ABLIM2: variants seen among roughly 807,000 people sequenced by gnomAD.
The protein encoded by ABLIM2 is actin-binding LIM protein 2.
ABLIM2 carries 53 observed loss-of-function variants against 97.7 expected under a neutral mutation model. That is an observed-to-expected ratio of 0.54 (90% CI 0.44 to 0.68). The LOEUF (loss-of-function observed/expected upper bound fraction) is 0.68. Among genes scored for constraint, ABLIM2 ranks in the 30% least tolerant of loss-of-function variants. The probability of loss-of-function intolerance (pLI) is 0.00; values close to 1 mark genes in which losing one functional copy is unlikely to be tolerated. For missense variants in ABLIM2, 835 were observed against 867.2 expected (o/e 0.96, Z 0.47); for synonymous variants, 361 against 345.8 (o/e 1.04, Z -0.49).
chr4:8,143,994 A>C (rs1851410870), intron 1 of ABLIM2, among the ~76,000 whole-genome samples: 1 of 152,144 alleles, frequency 6.6e-6, no homozygotes, highest in Admixed American at 6.5e-5. Flanking sequence ...AGGTCCTGGG[A>C]GAAACCACCA....
chr4:8,048,444 G>C (rs1047989173), intron 8 of ABLIM2, among the ~76,000 whole-genome samples: 1 of 152,104 alleles, frequency 6.6e-6, no homozygotes, highest in African/African-American at 2.4e-5. Context: ...CTGCCATTAC[G>C]GTCACATGGT....
intron 9 of ABLIM2, among the ~76,000 whole-genome samples, chr4:8,036,880 G>A (rs1784808620): frequency 6.6e-6 from 1 of 151,368 alleles, no homozygotes; most frequent in South Asian, 2.1e-4. Context: ...ACACATATAG[G>A]CAAACACACA....
rs560637180 is a variant in ABLIM2, at chr4:8,071,523, C to T, written c.675+6105G>A. Among the ~76,000 whole-genome samples the T allele has an allele frequency of 6.6e-6, 1 of 152,302 alleles. No individual in the cohort carries two copies. The highest frequency in any genetic ancestry group is 2.1e-4 in the South Asian group (1 of 4,828). On this transcript the variant is annotated intron_variant, in intron 6 of 20. Transcript: ENST00000447017. The surrounding 1 kb of genome is among the most constrained non-coding windows in gnomAD (Gnocchi z 6.2). The stretch of plus-strand genomic sequence containing the variant: ...TTAGGATGGCACCATGCCCACCACA[C>T]GCAGACACAGCACAGGCGAGGGCTC...
chr4:8,003,371 A>C lies in ABLIM2; in HGVS notation c.1618+4688T>G, dbSNP rs1445416534. 6.6e-6 allele frequency among the ~76,000 whole-genome samples: 1 copy of C among 152,124 alleles called. No individual in the cohort carries two copies. The highest frequency in any genetic ancestry group is 1.5e-5 in the Non-Finnish European group (1 of 68,026). On this transcript the variant is annotated intron_variant, in intron 16 of 20. Transcript: ENST00000447017. The surrounding 1 kb of genome is among the most constrained non-coding windows in gnomAD (Gnocchi z 4.2). ...TTCGCTGAATGCTGTACTGAGAGTG[A>C]GAAACAGAATGGGTGTGTGGATACT...
At chr4:8,013,839 A>G (rs1316670991) in intron 14 of ABLIM2, among the ~76,000 whole-genome samples, 1 of 152,208 alleles carries the variant, frequency 6.6e-6, no homozygotes, top group Non-Finnish European at 1.5e-5. Context: ...CCCTTCAGTA[A>G]CTGATGTGCC....
rs1199921167 is a variant in ABLIM2 at position 8,022,319 on chromosome 4, T to C, written c.1268-2016A>G. ...GGGCCGAGGATCTAACACATCACAG[T>C]GTACCTGTCCCTCCCCAGTTCCCAG... On this transcript the variant is annotated intron_variant, in intron 12 of 20. Transcript: ENST00000447017. This position sits in a 1 kb window ranked among gnomAD's most constrained non-coding sequence, Gnocchi z 7.8. Among the ~76,000 whole-genome samples, 2 of 152,170 alleles carry C rather than the reference T, an allele frequency of 1.3e-5. No homozygotes were observed. The highest frequency in any genetic ancestry group is 3.9e-4 in the East Asian group (2 of 5,184).
intron 7 of ABLIM2, among the ~76,000 whole-genome samples, chr4:8,059,527 C>G (rs1213669410): frequency 2.0e-5 from 3 of 152,106 alleles, no homozygotes; most frequent in Admixed American, 6.5e-5. Context: ...CCCCGGCCCC[C>G]CCACTTGACA....
chr4:8,077,573 G>A (rs1243907445), intron 6 of ABLIM2, 55 bp downstream of exon 6: 21 of 1,475,734 alleles, frequency 1.4e-5, no homozygotes, highest in Non-Finnish European at 1.9e-5. Flanking sequence ...CAACTCCCAG[G>A]GGGGCAGTTA....
rs1790922399 is a variant in ABLIM2, at chr4:8,044,593, A to T, written c.900+571T>A. Among the ~76,000 whole-genome samples, 1 of 151,722 alleles carries T rather than the reference A, an allele frequency of 6.6e-6. No homozygotes were observed. Among genetic ancestry groups the T allele is most frequent in the Non-Finnish European group, 1.5e-5 (1 of 67,978 alleles). On this transcript the variant is annotated intron_variant, in intron 9 of 20. Transcript: ENST00000447017. This position sits in a 1 kb window ranked among gnomAD's most constrained non-coding sequence, Gnocchi z 4.4. Reference sequence around the variant, plus strand: ...GGTAACAACTTGTTAAAATGTTTTCAATCATTTTTATATTTGTATGTGATT... The same window carrying T: ...GGTAACAACTTGTTAAAATGTTTTCTATCATTTTTATATTTGTATGTGATT...
intron 7 of ABLIM2, among the ~76,000 whole-genome samples, chr4:8,060,570 C>T (rs914403705): frequency 1.5e-4 from 23 of 152,112 alleles, no homozygotes; most frequent in East Asian, 3.9e-4. Context: ...GTGGCTGGGG[C>T]GGGAAACACC....
At chr4:8,010,308 G>T in intron 14 of ABLIM2, 2 of 937,588 alleles carry the variant, frequency 2.1e-6, no homozygotes, top group Non-Finnish European at 2.5e-6. Context: ...CCCACACCTT[G>T]TGTATCCCTT....
chr4:8,126,589 G>A (rs1245180873), intron 1 of ABLIM2, among the ~76,000 whole-genome samples: 1 of 152,094 alleles, frequency 6.6e-6, no homozygotes, highest in African/African-American at 2.4e-5. Flanking sequence ...TAAGGAGCTT[G>A]ATGGGCCCTG....
chr4:7,967,060 C>G lies in ABLIM2; in HGVS notation c.1868G>C (p.Ser623Thr). The change falls in exon 21 of 21, where the codon AGC (serine) becomes ACC (threonine). Residue 623 changes from serine to threonine, a missense_variant. Physicochemically the swap from Ser to Thr is moderately conservative, Grantham distance 58. Transcript: ENST00000447017. ...GGCCAGGCGGTCAAACTCCTCGATG[C>G]TCATCCCAAACACTTCCTGGAACTC... is the stretch of plus-strand genomic sequence containing the variant. The part of the protein sequence containing the change: ...PEEFQEVFGM[S>T]IEEFDRLALW... The G allele has an allele frequency of 6.2e-7, 1 of 1,613,908 alleles. No homozygotes were observed. Among genetic ancestry groups the G allele is most frequent in the Non-Finnish European group, 8.5e-7 (1 of 1,179,964 alleles).
chr4:8,071,628 G>T lies in ABLIM2; in HGVS notation c.675+6000C>A. ...AGGGGCACTGCCAAGCGCCTTAGGG[G>T]GCAAAACGGGGGTGGGGGAACAGGT... On this transcript the variant is annotated intron_variant, in intron 6 of 20. Transcript: ENST00000447017. This position sits in a 1 kb window ranked among gnomAD's most constrained non-coding sequence, Gnocchi z 6.2. 1.1e-6 allele frequency: 1 copy of T among 875,144 alleles called. No homozygotes were observed. 54.2% of individuals were successfully genotyped at this position (875,144 alleles called of 1,614,324 possible). A position where few individuals can be genotyped will look rare whatever the true frequency, so the allele number is the denominator to read the frequency against.
In ABLIM2 at chr4:8,054,989, A is replaced by T. The variant is rs146735897; in HGVS notation, c.764-743T>A. On this transcript the variant is annotated intron_variant, in intron 7 of 20. Coordinates refer to ENST00000447017, the MANE Select transcript of ABLIM2 (RefSeq NM_001130083.2). The surrounding 1 kb of genome is among the most constrained non-coding windows in gnomAD (Gnocchi z 4.9). ...CCACCCGGCACCAAGTGCCCCCAGCATCCCTGGCACTCTGGTCTCTACTAA... is the reference window on the plus strand; with the variant it reads ...CCACCCGGCACCAAGTGCCCCCAGCTTCCCTGGCACTCTGGTCTCTACTAA... 1.3e-5 allele frequency among the ~76,000 whole-genome samples: 2 copies of T among 151,608 alleles called. No individual in the cohort carries two copies. Among genetic ancestry groups the T allele is most frequent in the East Asian group, 3.9e-4 (2 of 5,154 alleles).
chr4:8,025,884 A>C (rs923213040), intron 12 of ABLIM2, among the ~76,000 whole-genome samples: 16 of 152,156 alleles, frequency 1.1e-4, no homozygotes, highest in African/African-American at 3.9e-4. Context: ...TGACTCACCC[A>C]AATGGTTGAT....
chr4:8,158,342 C>G (rs1183283929), intron 1 of ABLIM2, among the ~76,000 whole-genome samples: 1 of 152,200 alleles, frequency 6.6e-6, no homozygotes, highest in East Asian at 1.9e-4. Flanking sequence ...GGACCCCAGG[C>G]CCCCGCGCGG....
chr4:8,055,514 G>T (rs1435040459), intron 7 of ABLIM2, among the ~76,000 whole-genome samples: 1 of 152,250 alleles, frequency 6.6e-6, no homozygotes, highest in Non-Finnish European at 1.5e-5. Context: ...TCTGCTAGGT[G>T]CATGGCTGTG....
At position 7,995,953 on chromosome 4, in the gene ABLIM2, A is replaced by C. The variant is rs115172163; in HGVS notation, c.1619-3026T>G. On this transcript the variant is annotated intron_variant, in intron 16 of 20. Coordinates refer to ENST00000447017, the MANE Select transcript of ABLIM2 (RefSeq NM_001130083.2). Reference sequence around the variant, plus strand: ...TGCAGGAACCTGCCTGAGGTCACCCAGCCAGGTAGCGGCAGCCCCAGGATG... The same window carrying C: ...TGCAGGAACCTGCCTGAGGTCACCCCGCCAGGTAGCGGCAGCCCCAGGATG... Among the ~76,000 whole-genome samples the C allele has an allele frequency of 4.1e-3, 618 of 151,932 alleles. 4 individuals carry two copies. The highest frequency in any genetic ancestry group is 0.014 in the African/African-American group (589 of 41,388).
Sources: gnomAD v4.1 joint callset for allele counts (sites outside exome capture counted in the v4.1 genomes callset) on GRCh38, gnomAD v4.1.1 for gene constraint, Gnocchi (gnomAD v3.1) non-coding constraint, MANE v1.5 for transcripts, NCBI Gene and HGNC (gene_info 2026-07-23, HGNC 2026-07-21) for gene names.